The following MOB3B variants were observed in gnomAD, a reference collection of about 807,000 sequenced individuals.
MOB3B encodes the protein MOB kinase activator 3B.
MOB3B carries 7 observed loss-of-function variants against 18.7 expected under a neutral mutation model. The observed-to-expected ratio is 0.37, with a 90% CI of 0.21 to 0.70. The LOEUF (loss-of-function observed/expected upper bound fraction) is 0.70. Among genes scored for constraint, MOB3B ranks in the 30% least tolerant of loss-of-function variants. The pLI is 0.52. For synonymous variants in MOB3B, 111 were observed against 99.9 expected (o/e 1.11, Z -0.66); for missense variants, 253 against 281.3 (o/e 0.90, Z 0.72).
intron 2 of MOB3B, among the ~76,000 whole-genome samples, chr9:27,407,289 C>T (rs1274547200): frequency 6.6e-6 from 1 of 152,162 alleles, no homozygotes; most frequent in Non-Finnish European, 1.5e-5. Flanking sequence ...GTGGATGCTG[C>T]CATTTCTTGT....
At chr9:27,468,530 G>A (rs757639821) in intron 1 of MOB3B, among the ~76,000 whole-genome samples, 2 of 152,156 alleles carry the variant, frequency 1.3e-5, no homozygotes, top group African/African-American at 2.4e-5. Flanking sequence ...GCTGGTCATC[G>A]TGTGCACCTT....
chr9:27,455,709 T>A lies in MOB3B; in HGVS notation c.-159A>T, dbSNP rs1822858885. ...GCTCTTCTAAACAGCCCCTTCCATC[T>A]TCCTCTTGAATGATTTCCAAGGGAA... On this transcript the variant is annotated 5_prime_UTR_variant, in exon 2 of 4. In the 5' UTR this introduces an upstream ATG that the reference lacks. Transcript: ENST00000262244. 6.8e-7 allele frequency: 1 copy of A among 1,471,606 alleles called. No homozygotes were observed. The highest frequency in any genetic ancestry group is 8.9e-7 in the Non-Finnish European group (1 of 1,120,972). 91.2% of individuals were successfully genotyped at this position (1,471,606 alleles called of 1,614,324 possible).
chr9:27,406,354 C>T (rs142433037), intron 2 of MOB3B, among the ~76,000 whole-genome samples: 6 of 152,190 alleles, frequency 3.9e-5, no homozygotes, highest in African/African-American at 1.2e-4. Context: ...GTCATAACAC[C>T]AGTAATGTTC....
chr9:27,477,808 G>A (rs926324927), intron 1 of MOB3B, among the ~76,000 whole-genome samples: 2 of 152,244 alleles, frequency 1.3e-5, no homozygotes, highest in African/African-American at 4.8e-5. Flanking sequence ...CCAGAGGGGT[G>A]TTGAATCTGG....
intron 1 of MOB3B, among the ~76,000 whole-genome samples, chr9:27,483,562 T>C (rs1314652994): frequency 6.6e-6 from 1 of 152,270 alleles, no homozygotes; most frequent in African/African-American, 2.4e-5. Context: ...TTAAGAATTC[T>C]TGACTGCATA....
rs1295863216 is a variant in MOB3B, at chr9:27,328,411, T to G, written c.*2176A>C. 1 of 151,584 alleles carries G rather than the reference T, an allele frequency of 6.6e-6. No homozygotes were observed. Among genetic ancestry groups the G allele is most frequent in the East Asian group, 1.9e-4 (1 of 5,178 alleles). The allele number at this position is 151,584 out of a possible 1,614,324, so 9.4% of individuals were successfully genotyped here. On this transcript the variant is annotated 3_prime_UTR_variant, in exon 4 of 4. Coordinates refer to ENST00000262244, the MANE Select transcript of MOB3B (RefSeq NM_024761.5). ...GATTAAAAAAAAAAAAAGGGTAGTT[T>G]GCCAGAATTTACCCTAGAAGAGTTC...
chr9:27,520,420 A>G (rs531931645), intron 1 of MOB3B, among the ~76,000 whole-genome samples: 1 of 152,354 alleles, frequency 6.6e-6, no homozygotes, highest in African/African-American at 2.4e-5. Context: ...CCTACTGATG[A>G]CAAACTCAGC....
intron 2 of MOB3B, among the ~76,000 whole-genome samples, chr9:27,375,152 T>C (rs1386304546): frequency 6.6e-6 from 1 of 152,244 alleles, no homozygotes; most frequent in African/African-American, 2.4e-5. Flanking sequence ...CTTGGTTGCA[T>C]AGAAGATGTC....
At chr9:27,407,526 G>C (rs1822000768) in intron 2 of MOB3B, among the ~76,000 whole-genome samples, 1 of 152,124 alleles carries the variant, frequency 6.6e-6, no homozygotes, top group Admixed American at 6.5e-5. Flanking sequence ...GGGGCATGGA[G>C]AGCTTGATTT....
At chr9:27,340,172 G>A (rs1820918319) in intron 3 of MOB3B, among the ~76,000 whole-genome samples, 1 of 152,170 alleles carries the variant, frequency 6.6e-6, no homozygotes, top group Non-Finnish European at 1.5e-5. Flanking sequence ...TTACTGACAC[G>A]GAGGGCGTTT....
intron 3 of MOB3B, among the ~76,000 whole-genome samples, chr9:27,342,933 T>C (rs1025054484): frequency 4.6e-5 from 7 of 150,640 alleles, no homozygotes; most frequent in African/African-American, 1.7e-4. Flanking sequence ...ACCCATCGTC[T>C]GGGAAGTGAG....
intron 2 of MOB3B, among the ~76,000 whole-genome samples, chr9:27,409,201 T>C (rs1309407551): frequency 6.6e-6 from 1 of 152,256 alleles, no homozygotes; most frequent in African/African-American, 2.4e-5. Context: ...TATTGTTCTA[T>C]GGATCAGGGA....
intron 1 of MOB3B, among the ~76,000 whole-genome samples, chr9:27,528,414 G>A (rs1029998058): frequency 2.6e-5 from 4 of 152,284 alleles, no homozygotes; most frequent in Admixed American, 2.6e-4. Flanking sequence ...GCACCTTCTC[G>A]GATTTGAGCC....
chr9:27,335,644 A>G (rs1475293210), intron 3 of MOB3B, among the ~76,000 whole-genome samples: 1 of 152,082 alleles, frequency 6.6e-6, no homozygotes, highest in East Asian at 1.9e-4. Context: ...CTTCTCTCCC[A>G]TGGAACACAC....
intron 2 of MOB3B, among the ~76,000 whole-genome samples, chr9:27,438,167 T>C (rs886078540): frequency 1.3e-5 from 2 of 152,188 alleles, no homozygotes; most frequent in African/African-American, 4.8e-5. Context: ...TTAAGGAAGG[T>C]CATCGTCACC....
chr9:27,489,730 A>G (rs951768630), intron 1 of MOB3B, among the ~76,000 whole-genome samples: 13 of 15,536 alleles, frequency 8.4e-4, no homozygotes, highest in Non-Finnish European at 1.2e-3. Flanking sequence ...CACACCAGAT[A>G]AGGAAATAAT....
At chr9:27,361,514 A>G (rs1201115996) in intron 2 of MOB3B, among the ~76,000 whole-genome samples, 1 of 152,212 alleles carries the variant, frequency 6.6e-6, no homozygotes, top group Non-Finnish European at 1.5e-5. Flanking sequence ...GCTGCCTTCA[A>G]CGAGAGTATG....
At chr9:27,462,285 T>G (rs1819305620) in intron 1 of MOB3B, among the ~76,000 whole-genome samples, 1 of 152,178 alleles carries the variant, frequency 6.6e-6, no homozygotes, top group African/African-American at 2.4e-5. Context: ...TTTCCAGATA[T>G]TTAGACTAGC....
chr9:27,439,206 A>G (rs1007349586), intron 2 of MOB3B, among the ~76,000 whole-genome samples: 5 of 152,204 alleles, frequency 3.3e-5, no homozygotes, highest in Admixed American at 1.3e-4. Context: ...AGGAGTAAAG[A>G]GGAAAGGCAA....
Sources: allele counts gnomAD v4.1 joint callset (sites outside exome capture counted in the v4.1 genomes callset), GRCh38; gene constraint gnomAD v4.1.1; transcripts MANE v1.5; gene names NCBI Gene and HGNC (gene_info 2026-07-23, HGNC 2026-07-21).